The following GLIS3 variants were observed in gnomAD, a reference collection of about 807,000 sequenced individuals.
GLIS3 encodes GLIS family zinc finger 3.
In GLIS3, 53 loss-of-function variants were observed where a neutral mutation model predicts 78.6. That is an observed-to-expected ratio of 0.67 (90% CI 0.54 to 0.85). The LOEUF (loss-of-function observed/expected upper bound fraction) is 0.85, where lower values mean the gene tolerates loss of function less well. Ranked by LOEUF, GLIS3 falls within the 40% of genes least tolerant of loss-of-function variation. GLIS3 has a pLI of 0.00. For missense variants in GLIS3, 1,703 were observed against 1,231.1 expected, an observed-to-expected ratio of 1.38 and a Z score of -5.74; for synonymous variants, 684 against 509.9, an observed-to-expected ratio of 1.34 and a Z score of -4.60.
chr9:4,279,324 T>TATAC lies in GLIS3; in HGVS notation c.388+6713_388+6714insGTAT, dbSNP rs1234969923. Among the ~76,000 whole-genome samples the TATAC allele has an allele frequency of 3.8e-3, 319 of 84,852 alleles. 6 individuals carry two copies. Among genetic ancestry groups the TATAC allele is most frequent in the African/African-American group, 0.011 (236 of 21,072 alleles). 55.7% of individuals were successfully genotyped at this position (84,852 alleles called of 152,430 possible). The stretch of plus-strand genomic sequence containing the variant: ...AAAAAAAAAAAAAAAAATATATATA[T>TATAC]ACACACACACACACACACACACACA... On this transcript the variant is annotated intron_variant, in intron 2 of 10. Coordinates refer to ENST00000381971, the MANE Select transcript of GLIS3 (RefSeq NM_001042413.2).
Position 3,879,540 on chromosome 9 carries a change from T to A in GLIS3, c.2184A>T (p.Val728=). 1.2e-6 allele frequency: 2 copies of A among 1,614,050 alleles called. No homozygotes were observed. The highest frequency in any genetic ancestry group is 2.7e-5 in the African/African-American group (2 of 74,988). Residue 728 remains valine (V), a synonymous_variant, in exon 8 of 11, where the codon GTA becomes GTT. Coordinates refer to ENST00000381971, the MANE Select transcript of GLIS3 (RefSeq NM_001042413.2). ...SSRSGTAAGA[V]PPPHPVSHPS... is the part of the protein sequence containing the mutation. ...GGTGACTGACAGGATGTGGGGGTGG[T>A]ACGGCCCCAGCAGCTGTTCCACTTC...
chr9:4,337,725 G>A (rs1472689562), intron 2 of GLIS3, among the ~76,000 whole-genome samples: 1 of 152,060 alleles, frequency 6.6e-6, no homozygotes, highest in Non-Finnish European at 1.5e-5. Context: ...GCTGATTAAT[G>A]TTCATAATAA....
At chr9:4,458,977 C>T in the GLIS3 span, among the ~76,000 whole-genome samples, 1 of 152,044 alleles carries the variant, frequency 6.6e-6, no homozygotes, top group Non-Finnish European at 1.5e-5. Flanking sequence ...GTAGCGATGG[C>T]CTTACCACAT....
chr9:4,406,014 A>T, the GLIS3 span, among the ~76,000 whole-genome samples: 1 of 152,236 alleles, frequency 6.6e-6, no homozygotes. Context: ...AAAGTTTAAC[A>T]TCTCTTCATG....
chr9:3,841,225 T>G (rs961050942), intron 9 of GLIS3, among the ~76,000 whole-genome samples: 3 of 152,198 alleles, frequency 2.0e-5, no homozygotes, highest in African/African-American at 7.2e-5. Flanking sequence ...GTAAACTAAT[T>G]GCAGTGTGTC....
chr9:4,014,058 G>T (rs187864859), intron 4 of GLIS3, among the ~76,000 whole-genome samples: 160 of 152,274 alleles, frequency 1.1e-3, no homozygotes, highest in Middle Eastern at 6.8e-3. Flanking sequence ...TGCAGAAGAG[G>T]CTTCACATGT....
At chr9:4,424,223 G>C in the GLIS3 span, among the ~76,000 whole-genome samples, 1 of 152,160 alleles carries the variant, frequency 6.6e-6, no homozygotes, top group African/African-American at 2.4e-5. Context: ...AGTTGATGTA[G>C]GTTCCAGAGC....
At chr9:4,375,421 A>G in the GLIS3 span, among the ~76,000 whole-genome samples, 5 of 152,196 alleles carry the variant, frequency 3.3e-5, no homozygotes, top group Non-Finnish European at 1.5e-5. Context: ...AAGGATGAAA[A>G]CAATTTGCGA....
At chr9:4,331,432 G>A (rs975627588) in intron 2 of GLIS3, among the ~76,000 whole-genome samples, 9 of 152,086 alleles carry the variant, frequency 5.9e-5, no homozygotes, top group African/African-American at 1.9e-4. Context: ...GGGTACACAT[G>A]AATTTCGGGG....
chr9:4,125,817 G>C lies in GLIS3; in HGVS notation c.513C>G (p.Val171=), dbSNP rs1832532709. Residue 171 remains valine, a synonymous_variant, in exon 3 of 11, where the codon GTC becomes GTG. Coordinates refer to ENST00000381971, the MANE Select transcript of GLIS3 (RefSeq NM_001042413.2). ...LGLISPPASQ[V]STACNQISPS... ...GACTGATCTGGTTGCATGCTGTAGA[G>C]ACCTGGCTTGCTGGAGGTGAAATGA... 2 of 1,614,118 alleles carry C rather than the reference G, an allele frequency of 1.2e-6. No individual in the cohort carries two copies. Among genetic ancestry groups the C allele is most frequent in the Non-Finnish European group, 1.7e-6 (2 of 1,179,992 alleles).
At chr9:4,335,667 C>T (rs10974474) in intron 2 of GLIS3, among the ~76,000 whole-genome samples, 18 of 152,234 alleles carry the variant, frequency 1.2e-4, no homozygotes, top group Non-Finnish European at 2.4e-4. Context: ...ACTTTCAACA[C>T]GGCTTAGGGT....
chr9:4,207,817 C>G (rs1317060168), intron 2 of GLIS3, among the ~76,000 whole-genome samples: 1 of 152,200 alleles, frequency 6.6e-6, no homozygotes, highest in Non-Finnish European at 1.5e-5. Flanking sequence ...TTCCTCCAAA[C>G]AGGTATGAGG....
the GLIS3 span, among the ~76,000 whole-genome samples, chr9:4,390,469 G>A: frequency 2.6e-5 from 4 of 152,080 alleles, no homozygotes; most frequent in Admixed American, 2.6e-4. Context: ...AAGCTCAAGT[G>A]ATACTCTTGC....
chr9:3,944,204 C>G (rs200935924), intron 4 of GLIS3, among the ~76,000 whole-genome samples: 1 of 152,100 alleles, frequency 6.6e-6, no homozygotes, highest in Non-Finnish European at 1.5e-5. Context: ...AAAAATTTTT[C>G]AAGAAGCCAC....
intron 8 of GLIS3, among the ~76,000 whole-genome samples, chr9:3,861,340 A>C (rs1421225795): frequency 1.3e-5 from 2 of 152,148 alleles, no homozygotes; most frequent in Non-Finnish European, 2.9e-5. Context: ...ACAATTGTAG[A>C]AGCCGTGTGG....
At chr9:3,904,239 G>A (rs1823512249) in intron 6 of GLIS3, among the ~76,000 whole-genome samples, 1 of 152,162 alleles carries the variant, frequency 6.6e-6, no homozygotes. Flanking sequence ...TCTACAGTCA[G>A]TTGACTTTAA....
chr9:4,367,903 A>G, the GLIS3 span, among the ~76,000 whole-genome samples: 1 of 152,186 alleles, frequency 6.6e-6, no homozygotes. Context: ...ATTATCTTCA[A>G]TTTTATAGTG....
At chr9:3,924,600 A>T (rs1167025988) in intron 6 of GLIS3, among the ~76,000 whole-genome samples, 1 of 152,232 alleles carries the variant, frequency 6.6e-6, no homozygotes, top group Non-Finnish European at 1.5e-5. Context: ...TCAGAGAGCC[A>T]AGATACAAAC....
At chr9:4,098,985 A>G (rs775941337) in intron 4 of GLIS3, among the ~76,000 whole-genome samples, 10 of 152,142 alleles carry the variant, frequency 6.6e-5, no homozygotes, top group Non-Finnish European at 1.3e-4. Context: ...CTGACACATA[A>G]CAGACCAGAA....
Sources: allele counts gnomAD v4.1 joint callset (sites outside exome capture counted in the v4.1 genomes callset), GRCh38; gene constraint gnomAD v4.1.1; transcripts MANE v1.5; gene names NCBI Gene and HGNC (gene_info 2026-07-23, HGNC 2026-07-21).